The following PHF8 variants were observed in gnomAD, a reference collection of about 807,000 sequenced individuals.
The protein encoded by PHF8 is PHD finger protein 8.
PHF8 carries 9 observed loss-of-function variants against 74.4 expected under a neutral mutation model. The observed-to-expected ratio is 0.12, with a 90% CI of 0.07 to 0.21. The LOEUF (loss-of-function observed/expected upper bound fraction) is 0.21. Ranked by LOEUF, PHF8 falls within the 10% of genes least tolerant of loss-of-function variation. PHF8 has a pLI of 1.00. For missense variants in PHF8, 478 were observed against 816.6 expected (o/e 0.59, Z 5.05); for synonymous variants, 311 against 316.6 (o/e 0.98, Z 0.19).
intron 14 of PHF8, among the ~76,000 whole-genome samples, chrX:53,989,684 AAC>A (rs1481271902): frequency 8.9e-6 from 1 of 112,146 alleles, no homozygotes; most frequent in East Asian, 2.8e-4. Flanking sequence ...GTTAAAAAGA[AAC>A]ATGTTTTTGG....
At chrX:54,013,846 A>G (rs1016940440) in intron 7 of PHF8, among the ~76,000 whole-genome samples, 8 of 111,454 alleles carry the variant, frequency 7.2e-5, no homozygotes, top group Admixed American at 5.8e-4. Context: ...ATAAATAAAT[A>G]AAATCTTTGT....
At chrX:54,026,005 G>A (rs1415213514) in intron 2 of PHF8, among the ~76,000 whole-genome samples, 1 of 111,320 alleles carries the variant, frequency 9.0e-6, no homozygotes, top group African/African-American at 3.3e-5. Context: ...ACCACTAGAT[G>A]TGGCTAGAGA....
At chrX:53,991,720 T>C (rs1452500044) in intron 14 of PHF8, among the ~76,000 whole-genome samples, 1 of 96,177 alleles carries the variant, frequency 1.0e-5, no homozygotes, top group East Asian at 3.4e-4. Context: ...AATATATAAC[T>C]AGGCCAGGCA....
chrX:54,036,095 T>G, intron 2 of PHF8, among the ~76,000 whole-genome samples: 1 of 65,826 alleles, frequency 1.5e-5, no homozygotes, highest in East Asian at 4.4e-4. Flanking sequence ...AGAGCGAAAC[T>G]CCATCTCAAA....
intron 13 of PHF8, 61 bp from the exon 14 acceptor site, chrX:53,992,900 A>G: frequency 1.3e-6 from 1 of 770,854 alleles, no homozygotes; most frequent in East Asian, 3.3e-5. Context: ...TCACGATGGC[A>G]AGTTCCCTCT....
At position 53,984,989 on chromosome X, in the gene PHF8, T is replaced by C. The variant is rs143505141; in HGVS notation, c.2368A>G (p.Ser790Gly). 3 of 1,209,019 alleles carry C rather than the reference T, an allele frequency of 2.5e-6. No individual in the cohort carries two copies. Among genetic ancestry groups the C allele is most frequent in the Non-Finnish European group, 3.4e-6 (3 of 894,535 alleles). ...IKRPAYWRTE[S>G]EEEEENASLD... ...CTGGCGTTCTCCTCCTCCTCCTCGC[T>C]CTCGGTTCTCCAGTATGCTGGCCGC... Residue 790 changes from serine to glycine, a missense_variant, in exon 18 of 22, where the codon AGC becomes GGC. Physicochemically the swap from Ser to Gly is moderately conservative, Grantham distance 56. Coordinates refer to ENST00000338154, the MANE Select transcript of PHF8 (RefSeq NM_015107.3).
At chrX:53,986,973 C>G in intron 16 of PHF8, 105 bp downstream of exon 16, 2 of 519,051 alleles carry the variant, frequency 3.9e-6, no homozygotes, top group Non-Finnish European at 6.9e-6. Flanking sequence ...GAAATGAATG[C>G]AAAGGATGTC....
intron 2 of PHF8, among the ~76,000 whole-genome samples, chrX:54,025,167 C>T (rs1053151789): frequency 2.7e-5 from 3 of 111,691 alleles, no homozygotes; most frequent in Non-Finnish European, 3.8e-5. Context: ...TGAGCCACTG[C>T]GCCCGGCCGG....
At chrX:54,026,554 G>GTT (rs782080273) in intron 2 of PHF8, among the ~76,000 whole-genome samples, 1 of 109,094 alleles carries the variant, frequency 9.2e-6, no homozygotes, top group African/African-American at 3.4e-5. Flanking sequence ...TGTTGTTGTT[G>GTT]TTAAGCACTC....
chrX:53,995,226 G>C (rs2065727323), intron 12 of PHF8: 1 of 341,393 alleles, frequency 2.9e-6, no homozygotes, highest in East Asian at 9.7e-5. Context: ...GCAGAATGCA[G>C]AGACTGAGTC....
intron 2 of PHF8, among the ~76,000 whole-genome samples, chrX:54,036,190 T>C (rs979990086): frequency 2.3e-4 from 25 of 109,579 alleles, no homozygotes; most frequent in Non-Finnish European, 3.4e-4. Context: ...CAGTAGTTAA[T>C]TGACATTTAT....
At chrX:54,028,325 A>G (rs1490288004) in intron 2 of PHF8, among the ~76,000 whole-genome samples, 2 of 111,151 alleles carry the variant, frequency 1.8e-5, no homozygotes, top group African/African-American at 6.6e-5. Flanking sequence ...ACTGTAAAGC[A>G]CTCTGGCTTT....
chrX:53,975,438 A>G (rs1286087730), intron 18 of PHF8, among the ~76,000 whole-genome samples: 1 of 112,632 alleles, frequency 8.9e-6, no homozygotes, highest in Non-Finnish European at 1.9e-5. Context: ...CTGCAATACT[A>G]TTCACAATAG....
intron 4 of PHF8, among the ~76,000 whole-genome samples, chrX:54,020,528 T>C (rs782711312): frequency 2.7e-5 from 3 of 111,293 alleles, no homozygotes; most frequent in African/African-American, 9.8e-5. Flanking sequence ...AAAAGCAAGA[T>C]ACAGAACAAT....
chrX:53,994,568 A>G (rs1198102822), intron 12 of PHF8, among the ~76,000 whole-genome samples: 1 of 112,865 alleles, frequency 8.9e-6, no homozygotes, highest in Non-Finnish European at 1.9e-5. Context: ...AAGCCCATGG[A>G]CCACATATAA....
intron 11 of PHF8, among the ~76,000 whole-genome samples, chrX:53,996,142 GT>G (rs2065743541): frequency 9.1e-6 from 1 of 109,433 alleles, no homozygotes; most frequent in Non-Finnish European, 1.9e-5. Context: ...TTGAGATGGA[GT>G]TTCACTATTG....
chrX:53,990,460 C>CT (rs782466687), intron 14 of PHF8, among the ~76,000 whole-genome samples: 2 of 111,312 alleles, frequency 1.8e-5, no homozygotes, highest in Non-Finnish European at 3.8e-5. Flanking sequence ...CAGGAAATGT[C>CT]TTATTGTACC....
intron 11 of PHF8, among the ~76,000 whole-genome samples, chrX:53,998,980 CAGCAATA>C (rs1176697886): frequency 2.0e-4 from 22 of 111,962 alleles, no homozygotes; most frequent in African/African-American, 7.1e-4. Flanking sequence ...AAAAAGGAAG[CAGCAATA>C]AGCAAGTAGT....
At chrX:53,946,308 A>C (rs2064831638) in intron 19 of PHF8, among the ~76,000 whole-genome samples, 2 of 112,670 alleles carry the variant, frequency 1.8e-5, no homozygotes, top group African/African-American at 6.4e-5. Flanking sequence ...AATAGTGAGA[A>C]AGCACAACAC....
Sources: gnomAD v4.1 joint callset for allele counts (sites outside exome capture counted in the v4.1 genomes callset) on GRCh38, gnomAD v4.1.1 for gene constraint, MANE v1.5 for transcripts, NCBI Gene and HGNC (gene_info 2026-07-23, HGNC 2026-07-21) for gene names.